The following VWA3A variants were observed in gnomAD, a reference collection of about 807,000 sequenced individuals.
VWA3A encodes von Willebrand factor A domain-containing protein 3A.
In VWA3A, 134 loss-of-function variants were observed where a neutral mutation model predicts 160.4. The ratio of observed to expected loss-of-function variants is 0.84; its 90% CI spans 0.73 to 0.96. The LOEUF is 0.96. Ranked by LOEUF, VWA3A falls within the 40% of genes least tolerant of loss-of-function variation. VWA3A has a pLI of 0.00. For synonymous variants in VWA3A, 476 were observed against 543.4 expected (o/e 0.88, Z 1.72); for missense variants, 1,310 against 1,447.9 (o/e 0.90, Z 1.55).
chr16:22,115,918 G>GAAAGGA (rs1276836720), intron 9 of VWA3A, among the ~76,000 whole-genome samples: 3 of 31,382 alleles, frequency 9.6e-5, no homozygotes, highest in African/African-American at 6.4e-4. Context: ...AGGAAGGAAG[G>GAAAGGA]AAGGAAAGGA....
intron 19 of VWA3A, 77 bp downstream of exon 19, chr16:22,131,806 G>A: frequency 6.6e-7 from 1 of 1,509,322 alleles, no homozygotes; most frequent in Non-Finnish European, 8.9e-7. Flanking sequence ...ACCTTGCCAA[G>A]GTTTCTGCAG....
chr16:22,125,585 G>A (rs1182769738), intron 16 of VWA3A, among the ~76,000 whole-genome samples: 1 of 151,722 alleles, frequency 6.6e-6, no homozygotes, highest in African/African-American at 2.4e-5. Context: ...CACCACGCTC[G>A]GCTAATTTTT....
chr16:22,129,607 G>A (rs1265197306), intron 17 of VWA3A, among the ~76,000 whole-genome samples: 2 of 152,062 alleles, frequency 1.3e-5, no homozygotes, highest in Non-Finnish European at 2.9e-5. Flanking sequence ...AAGAGGAGGA[G>A]GAGCTCCAGT....
chr16:22,136,743 C>A (rs1278295075), intron 21 of VWA3A, among the ~76,000 whole-genome samples: 1 of 152,018 alleles, frequency 6.6e-6, no homozygotes, highest in Non-Finnish European at 1.5e-5. Context: ...TTTAAAATAT[C>A]TCTTCCCAGC....
intron 3 of VWA3A, among the ~76,000 whole-genome samples, chr16:22,099,523 T>C (rs2045375791): frequency 6.6e-6 from 1 of 152,254 alleles, no homozygotes. Flanking sequence ...ACCCACTTTG[T>C]AAAATTAAAT....
intron 31 of VWA3A, among the ~76,000 whole-genome samples, chr16:22,155,318 C>T (rs992084597): frequency 2.6e-5 from 4 of 151,926 alleles, no homozygotes; most frequent in Admixed American, 6.6e-5. Flanking sequence ...CTGACACCAT[C>T]GTACTTTGCC....
chr16:22,146,573 C>T (rs949038589), intron 27 of VWA3A, among the ~76,000 whole-genome samples: 1 of 152,036 alleles, frequency 6.6e-6, no homozygotes, highest in African/African-American at 2.4e-5. Flanking sequence ...GATCACCAGT[C>T]AGTAGTTCGA....
chr16:22,134,068 A>G (rs1329331641), intron 20 of VWA3A, among the ~76,000 whole-genome samples: 1 of 152,016 alleles, frequency 6.6e-6, no homozygotes, highest in Non-Finnish European at 1.5e-5. Context: ...GATTCAAGCA[A>G]TCCTCCCACC....
intron 6 of VWA3A, among the ~76,000 whole-genome samples, chr16:22,105,008 TGCCTGTCCC>T (rs1484486226): frequency 6.6e-6 from 1 of 152,150 alleles, no homozygotes; most frequent in Non-Finnish European, 1.5e-5. Flanking sequence ...GTGCTAAGCC[TGCCTGTCCC>T]GCCAATTCCA....
chr16:22,103,617 C>T, intron 6 of VWA3A, 88 bp downstream of exon 6: 1 of 1,440,734 alleles, frequency 6.9e-7, no homozygotes, highest in Non-Finnish European at 9.5e-7. Flanking sequence ...TGTAGACCTC[C>T]AATATAAATT....
intron 9 of VWA3A, chr16:22,116,388 G>A (rs1291842923): frequency 2.3e-6 from 1 of 443,822 alleles, no homozygotes; most frequent in East Asian, 6.9e-5. Flanking sequence ...AAAGAGGAAG[G>A]AAAGAAGGAA....
intron 27 of VWA3A, among the ~76,000 whole-genome samples, chr16:22,146,639 C>G (rs2046255995): frequency 6.6e-6 from 1 of 152,056 alleles, no homozygotes; most frequent in Non-Finnish European, 1.5e-5. Flanking sequence ...AAAAAATTAG[C>G]CAGGCATGGT....
At chr16:22,100,075 CA>C (rs879133206) in intron 3 of VWA3A, 118 bp from the exon 4 acceptor site, 95,274 of 951,988 alleles carry the variant, frequency 0.1, no homozygotes, top group South Asian at 0.14. Context: ...AACTCCGTCT[CA>C]AAAAAAAAAA....
chr16:22,142,007 C>T (rs1361347353), intron 24 of VWA3A, among the ~76,000 whole-genome samples: 1 of 152,190 alleles, frequency 6.6e-6, no homozygotes, highest in Non-Finnish European at 1.5e-5. Flanking sequence ...GATGATTCCC[C>T]TAGGCCAGCC....
chr16:22,133,135 C>T, intron 20 of VWA3A, 40 bp downstream of exon 20: 2 of 1,578,364 alleles, frequency 1.3e-6, no homozygotes, highest in Non-Finnish European at 1.7e-6. Flanking sequence ...TCATTCCAAA[C>T]AGTTGTCTCA....
chr16:22,094,795 G>A (rs774290327), intron 1 of VWA3A, among the ~76,000 whole-genome samples: 61 of 151,898 alleles, frequency 4.0e-4, no homozygotes, highest in Non-Finnish European at 8.1e-4. Flanking sequence ...GTGAAACCCC[G>A]TCTCTACAAA....
At chr16:22,109,967 C>A (rs1483840124) in intron 7 of VWA3A, among the ~76,000 whole-genome samples, 1 of 152,204 alleles carries the variant, frequency 6.6e-6, no homozygotes, top group Non-Finnish European at 1.5e-5. Flanking sequence ...TGGATACTCA[C>A]CAGCTCTAGT....
chr16:22,152,189 T>G (rs990252206), intron 30 of VWA3A, among the ~76,000 whole-genome samples: 10 of 152,036 alleles, frequency 6.6e-5, no homozygotes, highest in African/African-American at 2.4e-4. Context: ...CCAGCCTGGG[T>G]GACAGACTGA....
Position 22,118,457 on chromosome 16 carries a change from G to A in VWA3A, c.991-445G>A, listed in dbSNP as rs567106409. On this transcript the variant is annotated intron_variant, in intron 11 of 33. Coordinates refer to ENST00000389398, the MANE Select transcript of VWA3A (RefSeq NM_173615.5). ...TCCCAGCACTTTGGGAGGCCGAGGC[G>A]GGCAGATCACAAGGTCAGGAGATTG... Among the ~76,000 whole-genome samples the A allele has an allele frequency of 2.5e-3, 381 of 152,064 alleles. 2 individuals carry two copies. The Middle Eastern group carries it at 0.031, about 12-fold the overall frequency.
Sources: gnomAD v4.1 joint callset for allele counts (sites outside exome capture counted in the v4.1 genomes callset) on GRCh38, gnomAD v4.1.1 for gene constraint, MANE v1.5 for transcripts, NCBI Gene and HGNC (gene_info 2026-07-23, HGNC 2026-07-21) for gene names.